SLC16A10: variants seen among roughly 807,000 people sequenced by gnomAD.
SLC16A10 encodes the protein monocarboxylate transporter 10.
SLC16A10 carries 27 observed loss-of-function variants against 40.0 expected under a neutral mutation model. The observed-to-expected ratio is 0.67, with a 90% CI of 0.50 to 0.93. The LOEUF is 0.93. SLC16A10 is among the 40% of genes least tolerant of loss of function. SLC16A10 has a pLI of 0.00. For missense variants in SLC16A10, 529 were observed against 658.2 expected (o/e 0.80, Z 2.15); for synonymous variants, 213 against 249.8 (o/e 0.85, Z 1.39).
At chr6:111,118,220 C>CT (rs1771522841) in intron 1 of SLC16A10, among the ~76,000 whole-genome samples, 1 of 152,132 alleles carries the variant, frequency 6.6e-6, no homozygotes, top group Non-Finnish European at 1.5e-5. Context: ...CCTCATAGGG[C>CT]TTCTTGTTGA....
intron 1 of SLC16A10, among the ~76,000 whole-genome samples, chr6:111,131,471 C>CT (rs1419642604): frequency 1.3e-5 from 2 of 152,172 alleles, no homozygotes; most frequent in African/African-American, 4.8e-5. Flanking sequence ...AAGGACCCCC[C>CT]GGTAACATTT....
intron 1 of SLC16A10, among the ~76,000 whole-genome samples, chr6:111,155,049 A>C (rs552466287): frequency 6.7e-6 from 1 of 150,280 alleles, no homozygotes; most frequent in Non-Finnish European, 1.5e-5. Flanking sequence ...AAAAAAGACA[A>C]TTCTGAAAGT....
intron 1 of SLC16A10, among the ~76,000 whole-genome samples, chr6:111,093,041 CAAAA>C (rs773591090): frequency 8.7e-6 from 1 of 114,706 alleles, no homozygotes. Context: ...AACTCCGTCT[CAAAA>C]AAAAAAAAAA....
chr6:111,123,027 C>G (rs977558541), intron 1 of SLC16A10, among the ~76,000 whole-genome samples: 1 of 152,168 alleles, frequency 6.6e-6, no homozygotes, highest in Non-Finnish European at 1.5e-5. Flanking sequence ...GCCTTTCACT[C>G]ACATGTTGCA....
At chr6:111,119,620 T>C (rs1771548492) in intron 1 of SLC16A10, among the ~76,000 whole-genome samples, 1 of 152,214 alleles carries the variant, frequency 6.6e-6, no homozygotes, top group Non-Finnish European at 1.5e-5. Flanking sequence ...CCATATGTTA[T>C]GGACTGAATG....
intron 1 of SLC16A10, among the ~76,000 whole-genome samples, chr6:111,093,763 A>G (rs1771025176): frequency 6.6e-6 from 1 of 152,218 alleles, no homozygotes; most frequent in Non-Finnish European, 1.5e-5. Flanking sequence ...ACTATAAGAA[A>G]AATACCTGAT....
chr6:111,214,399 G>A (rs931468943), intron 4 of SLC16A10, among the ~76,000 whole-genome samples: 3 of 152,224 alleles, frequency 2.0e-5, no homozygotes, highest in African/African-American at 7.2e-5. Context: ...CACCAGATCA[G>A]TATTTGATGC....
chr6:111,139,199 G>A (rs1199593802), intron 1 of SLC16A10, among the ~76,000 whole-genome samples: 2 of 149,590 alleles, frequency 1.3e-5, no homozygotes, highest in African/African-American at 4.9e-5. Flanking sequence ...AAGAAACAAT[G>A]CTCCATCCAT....
intron 1 of SLC16A10, among the ~76,000 whole-genome samples, chr6:111,135,104 T>C (rs1176365388): frequency 6.6e-6 from 1 of 152,162 alleles, no homozygotes; most frequent in East Asian, 1.9e-4. Flanking sequence ...ACTCCCTTGT[T>C]AGGGAGAGAC....
chr6:111,183,297 C>CT (rs1562425241), intron 3 of SLC16A10, among the ~76,000 whole-genome samples: 1 of 152,128 alleles, frequency 6.6e-6, no homozygotes, highest in Non-Finnish European at 1.5e-5. Context: ...TACTCCTTTT[C>CT]TTTTTTTGTA....
At chr6:111,193,245 T>A in intron 3 of SLC16A10, 1 of 980,268 alleles carries the variant, frequency 1.0e-6, no homozygotes, top group Non-Finnish European at 1.2e-6. Flanking sequence ...GTCTATGCTT[T>A]TCTTGTTTTT....
chr6:111,217,489 G>A (rs944060851), intron 4 of SLC16A10, among the ~76,000 whole-genome samples: 1 of 152,038 alleles, frequency 6.6e-6, no homozygotes. Context: ...TCGCTCTGTC[G>A]CCCAGGCTGG....
chr6:111,109,547 C>T (rs1172498264), intron 1 of SLC16A10, among the ~76,000 whole-genome samples: 3 of 151,608 alleles, frequency 2.0e-5, no homozygotes, highest in Non-Finnish European at 2.9e-5. Context: ...CTTGACTTCC[C>T]AGACTGAGGT....
chr6:111,204,970 C>T (rs1173214235), intron 3 of SLC16A10, among the ~76,000 whole-genome samples: 2 of 151,174 alleles, frequency 1.3e-5, no homozygotes, highest in Non-Finnish European at 2.9e-5. Flanking sequence ...GATGAATTTT[C>T]TACTTCTGAG....
chr6:111,143,456 C>G (rs935025926), intron 1 of SLC16A10, among the ~76,000 whole-genome samples: 1 of 152,120 alleles, frequency 6.6e-6, no homozygotes. Flanking sequence ...GCAGTCATAG[C>G]TCACTGTGGC....
At position 111,182,323 on chromosome 6, in the gene SLC16A10, TTTTTTTTTTC is replaced by T. The variant is rs1363980939; in HGVS notation, c.942+4659_942+4668del. On this transcript the variant is annotated intron_variant, in intron 3 of 5. Coordinates refer to ENST00000368851, the MANE Select transcript of SLC16A10 (RefSeq NM_018593.5). ...GCCTCTGGGTTTCTTTTTTTTTTTT[TTTTTTTTTTC>T]CTTTTTAACGGCTCCTCTGACTCCT... Among the ~76,000 whole-genome samples the T allele has an allele frequency of 1.4e-3, 206 of 144,352 alleles. 1 individual carries two copies. In the East Asian group the frequency reaches 0.021, roughly 15 times the overall value. The allele number at this position is 144,352 out of a possible 152,430, so 94.7% of individuals were successfully genotyped here.
intron 1 of SLC16A10, among the ~76,000 whole-genome samples, chr6:111,122,029 C>T (rs117208491): frequency 1.3e-5 from 2 of 152,084 alleles, no homozygotes; most frequent in East Asian, 3.9e-4. Flanking sequence ...GTTGCCCTCA[C>T]CTTGGGTGAT....
chr6:111,160,055 T>A (rs1772342525), intron 1 of SLC16A10, among the ~76,000 whole-genome samples: 1 of 152,204 alleles, frequency 6.6e-6, no homozygotes. Flanking sequence ...GCAAATCTTC[T>A]CTCTCAGTTT....
intron 1 of SLC16A10, among the ~76,000 whole-genome samples, chr6:111,107,290 GA>G (rs1771301687): frequency 6.6e-6 from 1 of 152,162 alleles, no homozygotes; most frequent in Admixed American, 6.6e-5. Context: ...ATTAAGAAAT[GA>G]TATCGCACCA....
Sources: gnomAD v4.1 joint callset for allele counts (sites outside exome capture counted in the v4.1 genomes callset) on GRCh38, gnomAD v4.1.1 for gene constraint, MANE v1.5 for transcripts, NCBI Gene and HGNC (gene_info 2026-07-23, HGNC 2026-07-21) for gene names.